The following MDN1 variants were observed in gnomAD, a reference collection of about 807,000 sequenced individuals.
The protein encoded by MDN1 is midasin.
In MDN1, 266 loss-of-function variants were observed where a neutral mutation model predicts 669.2. The observed-to-expected ratio is 0.40, with a 90% confidence interval of 0.36 to 0.44. The LOEUF is 0.44. Among genes scored for constraint, MDN1 ranks in the 20% least tolerant of loss-of-function variants. MDN1 has a pLI of 1.00. For missense variants in MDN1, 5,940 were observed against 6,754.0 expected, an observed-to-expected ratio of 0.88 and a Z score of 4.22; for synonymous variants, 2,385 against 2,457.1, an observed-to-expected ratio of 0.97 and a Z score of 0.87.
intron 44 of MDN1, among the ~76,000 whole-genome samples, chr6:89,716,143 G>C (rs547441888): frequency 6.6e-6 from 1 of 152,086 alleles, no homozygotes; most frequent in East Asian, 1.9e-4. Flanking sequence ...TAAATGCTCC[G>C]TGAAGAAATA....
In MDN1 at chr6:89,700,740, G is replaced by A. The variant is rs768742015; in HGVS notation, c.8544C>T (p.Leu2848=). The change falls in exon 56 of 102, where the codon CTC becomes CTT. Residue 2848 remains leucine (L), a synonymous_variant. Coordinates refer to ENST00000369393, the MANE Select transcript of MDN1 (RefSeq NM_014611.3). Reference sequence around the variant, plus strand: ...ATGTCCACTGAGAAGCAACCACTTGGAGACGGTTAATGTCTTCCTGCCATC... The same window carrying A: ...ATGTCCACTGAGAAGCAACCACTTGAAGACGGTTAATGTCTTCCTGCCATC... ...ESGWQEDINR[L]QVVASQWTLK... The A allele has an allele frequency of 7.4e-6, 12 of 1,614,092 alleles. No individual in the cohort carries two copies. The highest frequency in any genetic ancestry group is 1.0e-5 in the Non-Finnish European group (12 of 1,180,016).
At chr6:89,699,419 T>C (rs1355651148) in intron 58 of MDN1, among the ~76,000 whole-genome samples, 182 bp downstream of exon 58, 1 of 152,226 alleles carries the variant, frequency 6.6e-6, no homozygotes, top group Admixed American at 6.5e-5. Context: ...AGTTGTAATA[T>C]ACCCTCATAA....
chr6:89,802,512 G>C (rs1212162078), intron 2 of MDN1, among the ~76,000 whole-genome samples: 1 of 152,052 alleles, frequency 6.6e-6, no homozygotes, highest in African/African-American at 2.4e-5. Flanking sequence ...GTGAAACCCC[G>C]TCTCTACTAA....
At chr6:89,769,334 A>T (rs932392481) in intron 15 of MDN1, among the ~76,000 whole-genome samples, 10 of 152,206 alleles carry the variant, frequency 6.6e-5, no homozygotes, top group African/African-American at 2.4e-4. Context: ...ATGTTAAAAG[A>T]TTTTATTTAA....
At chr6:89,771,531 AATAAG>A in intron 15 of MDN1, 25 bp downstream of exon 15, 1 of 1,588,494 alleles carries the variant, frequency 6.3e-7, no homozygotes, top group South Asian at 1.1e-5. Flanking sequence ...TAAACACAAA[AATAAG>A]AAAAAAATTT....
At chr6:89,777,766 C>T (rs1818428443) in intron 11 of MDN1, among the ~76,000 whole-genome samples, 1 of 152,166 alleles carries the variant, frequency 6.6e-6, no homozygotes, top group African/African-American at 2.4e-5. Context: ...TTACCCCACC[C>T]AGAAGTAGAC....
rs567618030 is a variant in MDN1 at position 89,728,664 on chromosome 6, C to G, written c.5349+267G>C. On this transcript the variant is annotated intron_variant, in intron 36 of 101. Transcript: ENST00000369393. ...TGGCCAACATGGTGAAACCCTGTCT[C>G]TAATAATAATACAAAAATTAGCTAG... is the stretch of plus-strand genomic sequence containing the variant. 6.6e-5 allele frequency among the ~76,000 whole-genome samples: 10 copies of G among 152,180 alleles called. 1 individual carries two copies. In the South Asian group the frequency reaches 2.1e-3, roughly 32 times the overall value.
At chr6:89,661,807 A>C (rs1332457171) in intron 87 of MDN1, among the ~76,000 whole-genome samples, 6 of 152,198 alleles carry the variant, frequency 3.9e-5, no homozygotes, top group Non-Finnish European at 8.8e-5. Flanking sequence ...TATGTTACTT[A>C]ATCTCGAAGA....
intron 12 of MDN1, among the ~76,000 whole-genome samples, chr6:89,775,756 G>C (rs1818325126): frequency 6.6e-6 from 1 of 152,162 alleles, no homozygotes; most frequent in African/African-American, 2.4e-5. Flanking sequence ...CACAACCTTG[G>C]CTCACTGCAA....
intron 9 of MDN1, among the ~76,000 whole-genome samples, chr6:89,782,961 T>G (rs1398795427): frequency 6.6e-6 from 1 of 152,202 alleles, no homozygotes; most frequent in Non-Finnish European, 1.5e-5. Context: ...TCCTGTTATC[T>G]TCATAAGCTG....
At chr6:89,776,800 G>A (rs1218058252) in intron 11 of MDN1, 105 bp from the exon 12 acceptor site, 2 of 775,534 alleles carry the variant, frequency 2.6e-6, no homozygotes, top group Non-Finnish European at 3.9e-6. Flanking sequence ...AAATCCAGCA[G>A]GAACATTTCT....
At chr6:89,817,429 C>T (rs1768915737) in intron 1 of MDN1, among the ~76,000 whole-genome samples, 1 of 152,214 alleles carries the variant, frequency 6.6e-6, no homozygotes, top group African/African-American at 2.4e-5. Context: ...ACACAATCCC[C>T]TTCTCTGGAC....
intron 29 of MDN1, 55 bp from the exon 30 acceptor site, chr6:89,743,769 A>G: frequency 6.8e-7 from 1 of 1,475,596 alleles, no homozygotes; most frequent in East Asian, 2.5e-5. Flanking sequence ...ACACATCCAT[A>G]AACACCCCCC....
chr6:89,792,674 A>AT (rs72383790), intron 5 of MDN1, among the ~76,000 whole-genome samples: 1,540 of 146,568 alleles, frequency 0.011, 15 homozygotes, highest in African/African-American at 0.016. Flanking sequence ...TTACATTTTA[A>AT]TTTTTTTTTT....
chr6:89,725,170 T>C (rs1216076771), intron 38 of MDN1, 29 bp downstream of exon 38: 2 of 1,605,412 alleles, frequency 1.2e-6, no homozygotes, highest in South Asian at 2.2e-5. Context: ...GAGTCTATCT[T>C]TGGTCTCTAT....
chr6:89,652,319 T>A (rs368493086), intron 94 of MDN1, 38 bp from the exon 95 acceptor site: 14 of 1,550,534 alleles, frequency 9.0e-6, no homozygotes, highest in East Asian at 6.7e-5. Context: ...GTGGCCCAGG[T>A]TGGAATCACC....
At chr6:89,663,274 T>C (rs1331260587) in intron 85 of MDN1, among the ~76,000 whole-genome samples, 1 of 152,118 alleles carries the variant, frequency 6.6e-6, no homozygotes, top group Non-Finnish European at 1.5e-5. Context: ...CAACCTGAGT[T>C]TTATGTCTGA....
intron 34 of MDN1, among the ~76,000 whole-genome samples, chr6:89,731,317 T>C (rs897328274): frequency 3.3e-5 from 5 of 152,186 alleles, no homozygotes; most frequent in African/African-American, 7.2e-5. Flanking sequence ...ATGTTAAACA[T>C]TGGCCAGTGC....
In MDN1 at chr6:89,677,603, G is replaced by A. The variant is rs1267113872; in HGVS notation, c.12506C>T (p.Ser4169Phe). The A allele has an allele frequency of 6.2e-7, 1 of 1,614,188 alleles. No individual in the cohort carries two copies. The highest frequency in any genetic ancestry group is 8.5e-7 in the Non-Finnish European group (1 of 1,180,036). Residue 4169 changes from serine (S) to phenylalanine (F), a missense_variant, in exon 76 of 102, where the codon TCC becomes TTC. By Grantham distance (155) the Ser-to-Phe change is radical. This residue lies in a region of MDN1 where 2,280 missense variants were observed against 2,576.3 expected (regional missense o/e 0.88). Transcript: ENST00000369393. ...LHPLDLQSAL[S>F]IVSSTQEADS... ...AGCCTCCTGAGTGCTGCTGACGATG[G>A]ACAATGCGCTCTGGAGATCTAATGG...
Sources: allele counts gnomAD v4.1 joint callset (sites outside exome capture counted in the v4.1 genomes callset), GRCh38; gene constraint gnomAD v4.1.1; regional missense constraint gnomAD v4.1.1; transcripts MANE v1.5; gene names NCBI Gene and HGNC (gene_info 2026-07-23, HGNC 2026-07-21).